Variants in ULK4 observed in about 807,000 individuals in gnomAD.
ULK4 encodes the protein inactive serine/threonine-protein kinase ULK4.
In ULK4, 133 loss-of-function variants were observed where a neutral mutation model predicts 160.6. The ratio of observed to expected loss-of-function variants is 0.83; its 90% confidence interval spans 0.72 to 0.96. The LOEUF is 0.96. ULK4 is among the 40% of genes least tolerant of loss of function. The pLI, the probability that ULK4 is intolerant of heterozygous loss-of-function variation, is 0.00. For missense variants in ULK4, 1,580 were observed against 1,499.5 expected (o/e 1.05, Z -0.89); for synonymous variants, 534 against 539.8 (o/e 0.99, Z 0.15).
intron 35 of ULK4, among the ~76,000 whole-genome samples, chr3:41,273,658 T>G (rs1025964872): frequency 4.6e-5 from 7 of 152,158 alleles, no homozygotes; most frequent in Non-Finnish European, 7.3e-5. Flanking sequence ...TCAAACCTCA[T>G]GTTGAAATTT....
intron 20 of ULK4, among the ~76,000 whole-genome samples, chr3:41,798,063 A>G (rs1248011447): frequency 1.3e-5 from 2 of 152,180 alleles, no homozygotes; most frequent in African/African-American, 4.8e-5. Flanking sequence ...TTAATGATTC[A>G]GATAAATGCT....
Position 41,246,621 on chromosome 3 carries a change from A to G in ULK4, c.*308T>C. On this transcript the variant is annotated 3_prime_UTR_variant, in exon 37 of 37. Coordinates refer to ENST00000301831, the MANE Select transcript of ULK4 (RefSeq NM_017886.4). ...GACTGTGCTTTGCATCCACTGCTTT[A>G]TTACCACAGGCAGTGCTAACCTTAG... The G allele has an allele frequency of 3.3e-6, 1 of 302,612 alleles. No individual in the cohort carries two copies. Among genetic ancestry groups the G allele is most frequent in the African/African-American group, 2.1e-5 (1 of 47,270 alleles). The allele number at this position is 302,612 out of a possible 1,614,324, so 18.7% of individuals were successfully genotyped here. A position where few individuals can be genotyped will look rare whatever the true frequency, so the allele number is the denominator to read the frequency against.
chr3:41,388,862 T>G, intron 35 of ULK4, among the ~76,000 whole-genome samples: 1 of 152,318 alleles, frequency 6.6e-6, no homozygotes, highest in Middle Eastern at 3.4e-3. Flanking sequence ...ATACAGGCTC[T>G]TTTTTGGTTC....
chr3:41,951,913 TG>T (rs1184515583), intron 2 of ULK4, among the ~76,000 whole-genome samples: 2 of 152,206 alleles, frequency 1.3e-5, no homozygotes, highest in African/African-American at 4.8e-5. Context: ...CCAAAACTGC[TG>T]GCACCTTAAT....
chr3:41,503,620 C>G (rs768048122), intron 32 of ULK4, among the ~76,000 whole-genome samples: 2 of 152,084 alleles, frequency 1.3e-5, no homozygotes, highest in Admixed American at 6.6e-5. Context: ...AACCTTCTTC[C>G]AGAACTCTGA....
chr3:41,550,982 G>T (rs1052686061), intron 32 of ULK4, among the ~76,000 whole-genome samples: 1 of 151,792 alleles, frequency 6.6e-6, no homozygotes, highest in African/African-American at 2.4e-5. Context: ...CATAAAGAAT[G>T]CTGGAAACTA....
At chr3:41,843,418 C>G (rs1478445273) in intron 17 of ULK4, among the ~76,000 whole-genome samples, 2 of 152,102 alleles carry the variant, frequency 1.3e-5, no homozygotes, top group Non-Finnish European at 2.9e-5. Context: ...GTGAGTGTTA[C>G]AGTTCTTAAA....
intron 34 of ULK4, among the ~76,000 whole-genome samples, chr3:41,440,091 C>T (rs2083129430): frequency 6.6e-6 from 1 of 152,104 alleles, no homozygotes; most frequent in South Asian, 2.1e-4. Context: ...TTTCTAGTAG[C>T]TTTTTGTTGA....
At chr3:41,708,747 A>G (rs1253233335) in intron 25 of ULK4, among the ~76,000 whole-genome samples, 1 of 152,214 alleles carries the variant, frequency 6.6e-6, no homozygotes, top group Non-Finnish European at 1.5e-5. Flanking sequence ...AAGTTTTCTC[A>G]CCACAAAAAC....
intron 32 of ULK4, among the ~76,000 whole-genome samples, chr3:41,564,760 T>A (rs2700447): frequency 6.6e-6 from 1 of 151,598 alleles, no homozygotes; most frequent in Non-Finnish European, 1.5e-5. Context: ...CACCCGGCCA[T>A]AAAAGTATTT....
intron 22 of ULK4, among the ~76,000 whole-genome samples, chr3:41,732,288 C>G (rs2037858035): frequency 6.6e-6 from 1 of 151,688 alleles, no homozygotes; most frequent in Non-Finnish European, 1.5e-5. Context: ...AAAAAAAAAT[C>G]TGCTAAGAAA....
chr3:41,279,664 TAAAGA>T (rs1398801157), intron 35 of ULK4, among the ~76,000 whole-genome samples: 1 of 152,170 alleles, frequency 6.6e-6, no homozygotes, highest in Non-Finnish European at 1.5e-5. Context: ...TCAACATTCT[TAAAGA>T]AAAGAATTTT....
intron 17 of ULK4, among the ~76,000 whole-genome samples, chr3:41,867,194 C>T (rs540851438): frequency 2.0e-5 from 3 of 152,260 alleles, no homozygotes; most frequent in Admixed American, 2.0e-4. Context: ...AATTTACTCT[C>T]CTTTTTCTAG....
At chr3:41,670,791 C>T (rs774555557) in intron 29 of ULK4, among the ~76,000 whole-genome samples, 5 of 151,932 alleles carry the variant, frequency 3.3e-5, no homozygotes, top group Non-Finnish European at 7.4e-5. Context: ...GAAATGACTT[C>T]AATAACACTC....
At chr3:41,874,812 T>A (rs193169574) in intron 17 of ULK4, among the ~76,000 whole-genome samples, 40 of 152,260 alleles carry the variant, frequency 2.6e-4, no homozygotes, top group Admixed American at 7.2e-4. Flanking sequence ...ATACAACTCA[T>A]CCATGTAATC....
In ULK4 at chr3:41,587,218, C is replaced by T. The variant is rs2030889458; in HGVS notation, c.3121-21088G>A. On this transcript the variant is annotated intron_variant, in intron 31 of 36. Coordinates refer to ENST00000301831, the MANE Select transcript of ULK4 (RefSeq NM_017886.4). ...TAAAAGCCACTCTCAGGTCCTTGCT[C>T]CCTGGACCCTTCCATTCCAAACAGA... Among the ~76,000 whole-genome samples, 3 of 152,190 alleles carry T rather than the reference C, an allele frequency of 2.0e-5. No individual in the cohort carries two copies. The South Asian group carries it at 6.2e-4, about 32-fold the overall frequency.
At chr3:41,537,933 T>C (rs888518715) in intron 32 of ULK4, among the ~76,000 whole-genome samples, 2 of 151,738 alleles carry the variant, frequency 1.3e-5, no homozygotes, top group Non-Finnish European at 2.9e-5. Context: ...ATTTTTTTTT[T>C]TTTCCAAAAT....
At chr3:41,762,222 C>T (rs1575663745) in intron 21 of ULK4, among the ~76,000 whole-genome samples, 1 of 152,094 alleles carries the variant, frequency 6.6e-6, no homozygotes, top group East Asian at 1.9e-4. Flanking sequence ...CTTAGAAATA[C>T]TAGATCTTAT....
intron 2 of ULK4, among the ~76,000 whole-genome samples, chr3:41,940,459 C>T (rs947229654): frequency 1.3e-5 from 2 of 151,972 alleles, no homozygotes; most frequent in Non-Finnish European, 2.9e-5. Flanking sequence ...AGTTTTAACA[C>T]AAGCCTGGAC....
Sources: gnomAD v4.1 joint callset for allele counts (sites outside exome capture counted in the v4.1 genomes callset) on GRCh38, gnomAD v4.1.1 for gene constraint, MANE v1.5 for transcripts, NCBI Gene and HGNC (gene_info 2026-07-23, HGNC 2026-07-21) for gene names.